Variants in JAKMIP1 observed in about 807,000 individuals in gnomAD.
JAKMIP1 encodes janus kinase and microtubule interacting protein 1, also known as janus kinase and microtubule-interacting protein 1.
JAKMIP1 carries 33 observed loss-of-function variants against 113.0 expected under a neutral mutation model. The observed-to-expected ratio is 0.29, with a 90% CI of 0.22 to 0.39. The LOEUF (loss-of-function observed/expected upper bound fraction) is 0.39, where lower values mean the gene tolerates loss of function less well. JAKMIP1 is among the 10% of genes least tolerant of loss of function. The pLI is 1.00. For synonymous variants in JAKMIP1, 480 were observed against 459.9 expected, an observed-to-expected ratio of 1.04 and a Z score of -0.56; for missense variants, 813 against 1,080.5, an observed-to-expected ratio of 0.75 and a Z score of 3.47.
chr4:6,199,685 C>A lies in JAKMIP1; in HGVS notation c.-148+568G>T, dbSNP rs1451385371. Among the ~76,000 whole-genome samples, 3 of 151,572 alleles carry A rather than the reference C, an allele frequency of 2.0e-5. No individual in the cohort carries two copies. Among genetic ancestry groups the A allele is most frequent in the East Asian group, 2.0e-4 (1 of 5,120 alleles). On this transcript the variant is annotated intron_variant, in intron 1 of 20. Transcript: ENST00000409021. This position sits in a 1 kb window ranked among gnomAD's most constrained non-coding sequence, Gnocchi z 5.6. ...TGGCAGGGGCCGCGGCGGCGTGTGC[C>A]GTGCGTGGGGTGGGGTGCGGGCTGG... is the stretch of plus-strand genomic sequence containing the variant.
At chr4:6,105,285 T>C (rs781692965) in intron 3 of JAKMIP1, among the ~76,000 whole-genome samples, 188 bp downstream of exon 3, 11 of 152,202 alleles carry the variant, frequency 7.2e-5, no homozygotes, top group Non-Finnish European at 1.3e-4. Flanking sequence ...TGGGGAACTG[T>C]TCTTTGAGCG....
intron 18 of JAKMIP1, 47 bp from the exon 19 acceptor site, chr4:6,036,154 GA>G: frequency 7.1e-7 from 1 of 1,416,810 alleles, no homozygotes; most frequent in Non-Finnish European, 9.6e-7. Context: ...CAAGGAGGTG[GA>G]CAGGAACCAC....
chr4:6,191,811 A>G (rs1311491407), intron 1 of JAKMIP1, among the ~76,000 whole-genome samples: 1 of 152,212 alleles, frequency 6.6e-6, no homozygotes, highest in Non-Finnish European at 1.5e-5. Context: ...TTAGCCCAAT[A>G]TATACAAAAT....
chr4:6,200,339 C>A lies in JAKMIP1; in HGVS notation c.-234G>T. ...CCGCATCCTCCGGCCGCCCCCTCCC[C>A]GCTGCGAGCTTACGCCGCTGTCGCC... On this transcript the variant is annotated 5_prime_UTR_variant, in exon 1 of 21. Transcript: ENST00000409021. The surrounding 1 kb of genome is among the most constrained non-coding windows in gnomAD (Gnocchi z 7.0). The A allele has an allele frequency of 6.5e-6, 1 of 153,760 alleles. No individual in the cohort carries two copies. The highest frequency in any genetic ancestry group is 1.8e-4 in the South Asian group (1 of 5,610). The allele number at this position is 153,760 out of a possible 1,614,324, so 9.5% of individuals were successfully genotyped here. A position where few individuals can be genotyped will look rare whatever the true frequency, so the allele number is the denominator to read the frequency against.
At chr4:6,146,623 T>C (rs910191823) in intron 1 of JAKMIP1, among the ~76,000 whole-genome samples, 3 of 152,202 alleles carry the variant, frequency 2.0e-5, no homozygotes, top group Non-Finnish European at 4.4e-5. Flanking sequence ...ACTGTGGTGA[T>C]GGTTGCATGA....
At position 6,192,424 on chromosome 4, in the gene JAKMIP1, C is replaced by T. The variant is rs1319506248; in HGVS notation, c.-148+7829G>A. On this transcript the variant is annotated intron_variant, in intron 1 of 20. Transcript: ENST00000409021. The surrounding 1 kb of genome is among the most constrained non-coding windows in gnomAD (Gnocchi z 5.0). ...TCACAATCACAATGACCATGACTTC[C>T]ACAAGTAACACCAGCAGCAGCACCG... Among the ~76,000 whole-genome samples the T allele has an allele frequency of 1.3e-5, 2 of 152,140 alleles. No homozygotes were observed. The highest frequency in any genetic ancestry group is 4.8e-5 in the African/African-American group (2 of 41,416).
chr4:6,043,487 C>G (rs1250545338), intron 16 of JAKMIP1, among the ~76,000 whole-genome samples: 2 of 152,022 alleles, frequency 1.3e-5, no homozygotes, highest in Non-Finnish European at 2.9e-5. Context: ...ATGTCTCATA[C>G]CCAGATCTGC....
At position 6,029,754 on chromosome 4, in the gene JAKMIP1, C is replaced by A; in HGVS notation, c.2407G>T (p.Glu803Ter). The A allele has an allele frequency of 6.2e-7, 1 of 1,605,320 alleles. No homozygotes were observed. Among genetic ancestry groups the A allele is most frequent in the Non-Finnish European group, 8.5e-7 (1 of 1,175,842 alleles). Residue 803 changes from glutamate to a stop codon, truncating the protein, a stop_gained, in exon 20 of 21, where the codon GAG (glutamate) becomes TAG (stop). Transcript: ENST00000409021. LOFTEE classifies it high-confidence loss of function. ...QRIRELEDKLEFQKRHLKELE... is the reference protein window; with the variant it reads ...QRIRELEDKL The stretch of plus-strand genomic sequence containing the variant: ...TCTTTCAGGTGCCGCTTCTGAAACT[C>A]CAGTTTGTCCTCCAGTTCTCGGATT...
intron 7 of JAKMIP1, 95 bp from the exon 8 acceptor site, chr4:6,079,093 G>A (rs754097681): frequency 4.0e-5 from 51 of 1,290,216 alleles, no homozygotes; most frequent in African/African-American, 1.3e-4. Context: ...CTGCCCATCC[G>A]CACCAGGCAT....
In JAKMIP1 at chr4:6,123,718, G is replaced by A. The variant is rs145273652; in HGVS notation, c.-147-10721C>T. Among the ~76,000 whole-genome samples the A allele has an allele frequency of 1.4e-4, 21 of 152,258 alleles. No homozygotes were observed. The East Asian group carries it at 3.1e-3, about 22-fold the overall frequency. Reference sequence around the variant, plus strand: ...AGCCTGTAGTCCTAGCTACCCAGGAGACTGAGGTGGGAGGAGCATGTGAGC... The same window carrying A: ...AGCCTGTAGTCCTAGCTACCCAGGAAACTGAGGTGGGAGGAGCATGTGAGC... On this transcript the variant is annotated intron_variant, in intron 1 of 20. Transcript: ENST00000409021.
chr4:6,075,942 T>C (rs568427975), intron 8 of JAKMIP1, among the ~76,000 whole-genome samples: 3 of 152,290 alleles, frequency 2.0e-5, no homozygotes, highest in Admixed American at 1.3e-4. Flanking sequence ...TTTGGGAGGC[T>C]GAGGCAGGTG....
rs115477805 is a variant in JAKMIP1, at chr4:6,143,769, G to A, written c.-147-30772C>T. Among the ~76,000 whole-genome samples the A allele has an allele frequency of 3.3e-3, 499 of 152,270 alleles. 3 individuals are homozygous for A. The highest frequency in any genetic ancestry group is 6.2e-3 in the Admixed American group (95 of 15,294). ...AGTCCTCTGAGTGATTCTAACACAC[G>A]CTGCTCTAGAACAGTTTTTTATTTA... On this transcript the variant is annotated intron_variant, in intron 1 of 20. Transcript: ENST00000409021. The surrounding 1 kb of genome is among the most constrained non-coding windows in gnomAD (Gnocchi z 4.9).
Position 6,081,510 on chromosome 4 carries a change from A to G in JAKMIP1, c.1101+99T>C. On this transcript the variant is annotated intron_variant, in intron 6 of 20. Coordinates refer to ENST00000409021, the MANE Select transcript of JAKMIP1 (RefSeq NM_001099433.2). This position sits in a 1 kb window ranked among gnomAD's most constrained non-coding sequence, Gnocchi z 4.6. ...GGTGCTTTGTGGGGAGGTGGGCAGC[A>G]GGTGCGCCCCAGAACATGTGAATCG... 7.4e-7 allele frequency: 1 copy of G among 1,348,362 alleles called. No homozygotes were observed. The highest frequency in any genetic ancestry group is 1.0e-6 in the Non-Finnish European group (1 of 966,674). 83.5% of individuals were successfully genotyped at this position (1,348,362 alleles called of 1,614,324 possible).
At chr4:6,148,465 G>A (rs1721134116) in intron 1 of JAKMIP1, among the ~76,000 whole-genome samples, 1 of 152,242 alleles carries the variant, frequency 6.6e-6, no homozygotes, top group East Asian at 1.9e-4. Flanking sequence ...AGTCCTTCGA[G>A]ATACACAGGA....
rs1048647035 is a variant in JAKMIP1 at position 6,194,500 on chromosome 4, C to G, written c.-148+5753G>C. ...GTGGAAAGCTACTTACCAGCTCACT[C>G]CTTGCCTCCACTGTCAACTCCTCAG... is the stretch of plus-strand genomic sequence containing the variant. On this transcript the variant is annotated intron_variant, in intron 1 of 20. Transcript: ENST00000409021. This position sits in a 1 kb window ranked among gnomAD's most constrained non-coding sequence, Gnocchi z 7.4. 3.8e-4 allele frequency: 58 copies of G among 152,172 alleles called. No homozygotes were observed. The highest frequency in any genetic ancestry group is 1.4e-3 in the African/African-American group (57 of 41,402). The allele number at this position is 152,172 out of a possible 1,614,324, so 9.4% of individuals were successfully genotyped here.
rs1157665919 is a variant in JAKMIP1 at position 6,158,710 on chromosome 4, T to C, written c.-148+41543A>G. The stretch of plus-strand genomic sequence containing the variant: ...AAAGAAAATTTGGTTTGAAAATTTA[T>C]TGGATAAAAATAGGGCAATTCGATT... On this transcript the variant is annotated intron_variant, in intron 1 of 20. Transcript: ENST00000409021. The surrounding 1 kb of genome is among the most constrained non-coding windows in gnomAD (Gnocchi z 5.3). Among the ~76,000 whole-genome samples the C allele has an allele frequency of 2.6e-5, 4 of 151,970 alleles. No individual in the cohort carries two copies. The highest frequency in any genetic ancestry group is 1.3e-4 in the Admixed American group (2 of 15,262).
At chr4:6,170,774 C>CA (rs1363700541) in intron 1 of JAKMIP1, among the ~76,000 whole-genome samples, 1 of 84,128 alleles carries the variant, frequency 1.2e-5, no homozygotes, top group Non-Finnish European at 3.0e-5. Flanking sequence ...CCATCACCAT[C>CA]CCACCCTCAC....
intron 16 of JAKMIP1, among the ~76,000 whole-genome samples, chr4:6,046,788 G>T (rs972339217): frequency 6.6e-6 from 1 of 152,174 alleles, no homozygotes; most frequent in South Asian, 2.1e-4. Context: ...GCTGTGGGTC[G>T]GGCGTGGGGA....
chr4:6,174,371 TATG>T (rs1008908180), intron 1 of JAKMIP1, among the ~76,000 whole-genome samples: 1 of 152,170 alleles, frequency 6.6e-6, no homozygotes, highest in Non-Finnish European at 1.5e-5. Flanking sequence ...AGGTGTGACA[TATG>T]ATAAGGGAGG....
Sources: allele counts gnomAD v4.1 joint callset (sites outside exome capture counted in the v4.1 genomes callset), GRCh38; gene constraint gnomAD v4.1.1; non-coding constraint Gnocchi (gnomAD v3.1); transcripts MANE v1.5; gene names NCBI Gene and HGNC (gene_info 2026-07-23, HGNC 2026-07-21).